The following XPO6 variants were observed in gnomAD, a reference collection of about 807,000 sequenced individuals.
XPO6 encodes the protein exportin 6.
Under a neutral mutation model 130.0 loss-of-function variants are expected in XPO6, and 3 were observed. That is an observed-to-expected ratio of 0.02 (90% CI 0.01 to 0.06). The LOEUF (loss-of-function observed/expected upper bound fraction) is 0.06. Among genes scored for constraint, XPO6 ranks in the 10% least tolerant of loss-of-function variants. XPO6 has a pLI of 1.00. For synonymous variants in XPO6, 524 were observed against 548.9 expected (o/e 0.95, Z 0.63); for missense variants, 970 against 1,393.0 (o/e 0.70, Z 4.83).
intron 13 of XPO6, among the ~76,000 whole-genome samples, chr16:28,125,063 T>C (rs140769892): frequency 1.6e-4 from 24 of 152,284 alleles, no homozygotes; most frequent in Admixed American, 1.2e-3. Context: ...AATCAAGTGT[T>C]CCTCAACAAG....
chr16:28,151,897 C>A (rs979474340), intron 8 of XPO6, among the ~76,000 whole-genome samples: 23 of 152,124 alleles, frequency 1.5e-4, no homozygotes, highest in African/African-American at 5.6e-4. Flanking sequence ...AAAACACACA[C>A]CAACAGGCAC....
chr16:28,152,074 A>ATGTGTGCG (rs1555527521), intron 8 of XPO6, among the ~76,000 whole-genome samples: 15 of 151,242 alleles, frequency 9.9e-5, no homozygotes, highest in Admixed American at 2.0e-4. Flanking sequence ...TATATTTTTT[A>ATGTGTGCG]TGTGTGTGTG....
At chr16:28,139,245 G>A (rs914556316) in intron 9 of XPO6, among the ~76,000 whole-genome samples, 3 of 152,128 alleles carry the variant, frequency 2.0e-5, no homozygotes, top group African/African-American at 7.2e-5. Context: ...CACAAGAAAG[G>A]CCACGTGAGC....
intron 14 of XPO6, among the ~76,000 whole-genome samples, chr16:28,117,835 T>C (rs974431866): frequency 6.6e-5 from 10 of 152,210 alleles, no homozygotes; most frequent in African/African-American, 1.9e-4. Flanking sequence ...GACTAAAGCG[T>C]AGACAACTAC....
chr16:28,112,388 T>C (rs553961692), intron 16 of XPO6, among the ~76,000 whole-genome samples: 53 of 152,310 alleles, frequency 3.5e-4, no homozygotes, highest in South Asian at 1.4e-3. Context: ...TGACAATCCA[T>C]GCCCCTAGCA....
At chr16:28,119,084 T>C (rs2087155547) in intron 14 of XPO6, among the ~76,000 whole-genome samples, 1 of 152,130 alleles carries the variant, frequency 6.6e-6, no homozygotes, top group African/African-American at 2.4e-5. Flanking sequence ...GGCACAATCA[T>C]AGCTCACAGC....
At chr16:28,185,166 C>A (rs1182710203) in intron 1 of XPO6, among the ~76,000 whole-genome samples, 1 of 151,968 alleles carries the variant, frequency 6.6e-6, no homozygotes, top group Non-Finnish European at 1.5e-5. Flanking sequence ...AAAACACAAC[C>A]TTTCATTATT....
Position 28,101,441 on chromosome 16 carries a change from C to A in XPO6, c.3276+17G>T, listed in dbSNP as rs1567587621. 3 of 1,611,688 alleles carry A rather than the reference C, an allele frequency of 1.9e-6. No individual in the cohort carries two copies. The highest frequency in any genetic ancestry group is 1.7e-5 in the Admixed American group (1 of 60,008). On this transcript the variant is annotated intron_variant, in intron 23 of 23. Transcript: ENST00000304658. This position sits in a 1 kb window ranked among gnomAD's most constrained non-coding sequence, Gnocchi z 5.4. ...CCACTCTGCCCTCCTCTTAGCCCGG[C>A]CTCTTTCTCTCCTCACCCGATCCAT...
intron 9 of XPO6, among the ~76,000 whole-genome samples, chr16:28,141,087 A>G (rs2042882858): frequency 6.6e-6 from 1 of 152,230 alleles, no homozygotes; most frequent in Admixed American, 6.5e-5. Flanking sequence ...ATTGCACCAC[A>G]ATGTCATGTG....
At chr16:28,150,760 G>A (rs1015229012) in intron 8 of XPO6, among the ~76,000 whole-genome samples, 1 of 151,896 alleles carries the variant, frequency 6.6e-6, no homozygotes, top group Admixed American at 6.6e-5. Flanking sequence ...TTTCTGTTAC[G>A]CTATTTAACA....
At chr16:28,102,575 TA>T (rs1266331239) in intron 21 of XPO6, among the ~76,000 whole-genome samples, 1 of 151,960 alleles carries the variant, frequency 6.6e-6, no homozygotes, top group Non-Finnish European at 1.5e-5. Context: ...CCATCTCTAC[TA>T]AAAATACAAA....
chr16:28,201,338 T>C (rs2043949853), intron 1 of XPO6, among the ~76,000 whole-genome samples: 1 of 152,142 alleles, frequency 6.6e-6, no homozygotes, highest in South Asian at 2.1e-4. Flanking sequence ...CCTGCTTGGG[T>C]TTATTTTTAC....
intron 1 of XPO6, among the ~76,000 whole-genome samples, chr16:28,207,995 C>CA (rs879640830): frequency 0.02 from 2,599 of 127,566 alleles, 71 homozygotes; most frequent in African/African-American, 0.067. Flanking sequence ...AAATACAAAA[C>CA]AAAAAAAAAA....
intron 12 of XPO6, among the ~76,000 whole-genome samples, chr16:28,131,444 A>C (rs2042667728): frequency 6.6e-6 from 1 of 152,154 alleles, no homozygotes; most frequent in African/African-American, 2.4e-5. Flanking sequence ...ATCCCATAAG[A>C]AGCATGCTGG....
chr16:28,194,826 C>T (rs1193280500), intron 1 of XPO6, among the ~76,000 whole-genome samples: 2 of 151,972 alleles, frequency 1.3e-5, no homozygotes, highest in African/African-American at 4.8e-5. Context: ...ACCATTTCAT[C>T]ACCTGGCCCT....
rs983298093 is a variant in XPO6 at position 28,098,243 on chromosome 16, G to A, written c.*295C>T. 2.3e-5 allele frequency: 7 copies of A among 302,526 alleles called. No individual in the cohort carries two copies. Among genetic ancestry groups the A allele is most frequent in the South Asian group, 6.6e-5 (1 of 15,242 alleles). 18.7% of individuals were successfully genotyped at this position (302,526 alleles called of 1,614,324 possible). On this transcript the variant is annotated 3_prime_UTR_variant, in exon 24 of 24. Coordinates refer to ENST00000304658, the MANE Select transcript of XPO6 (RefSeq NM_015171.4). ...CAATTCTGCCCCATGAGCCACGTGC[G>A]CCTGGTCTGCATGGGCCACCCCGCG... is the stretch of plus-strand genomic sequence containing the variant.
intron 6 of XPO6, among the ~76,000 whole-genome samples, chr16:28,162,432 A>AG (rs2043291303): frequency 6.6e-6 from 1 of 152,228 alleles, no homozygotes; most frequent in Non-Finnish European, 1.5e-5. Flanking sequence ...TCTCTATGGA[A>AG]GAGGGTAGCT....
intron 6 of XPO6, among the ~76,000 whole-genome samples, chr16:28,157,781 G>A (rs535007552): frequency 1.3e-5 from 2 of 152,340 alleles, no homozygotes; most frequent in African/African-American, 4.8e-5. Flanking sequence ...TCAAGTACAA[G>A]GAATGGATGC....
chr16:28,126,961 TCACCAACCCTCCTCCTCACACTGGTCAC>T (rs1364222135), intron 12 of XPO6, among the ~76,000 whole-genome samples: 3 of 152,062 alleles, frequency 2.0e-5, no homozygotes, highest in Non-Finnish European at 4.4e-5. Flanking sequence ...ACACTGGTCA[TCACCAACCCTCCTCCTCACACTGGTCAC>T]CACCAACCCT....
Sources: gnomAD v4.1 joint callset for allele counts (sites outside exome capture counted in the v4.1 genomes callset) on GRCh38, gnomAD v4.1.1 for gene constraint, Gnocchi (gnomAD v3.1) non-coding constraint, MANE v1.5 for transcripts, NCBI Gene and HGNC (gene_info 2026-07-23, HGNC 2026-07-21) for gene names.